Variants in TTC28 observed in about 807,000 individuals in gnomAD.
TTC28 encodes the protein tetratricopeptide repeat domain 28, also known as tetratricopeptide repeat protein 28.
A neutral mutation model predicts 198.0 loss-of-function variants in TTC28; 61 were observed. The ratio of observed to expected loss-of-function variants is 0.31; its 90% CI spans 0.25 to 0.38. TTC28 has a LOEUF of 0.38. Among genes scored for constraint, TTC28 ranks in the 10% least tolerant of loss-of-function variants. TTC28 has a pLI of 1.00. For missense variants in TTC28, 2,678 were observed against 3,164.0 expected (o/e 0.85, Z 3.69); for synonymous variants, 1,171 against 1,297.8 (o/e 0.90, Z 2.10).
chr22:28,532,893 T>C (rs1215125157), intron 2 of TTC28, among the ~76,000 whole-genome samples: 1 of 152,148 alleles, frequency 6.6e-6, no homozygotes, highest in East Asian at 1.9e-4. Flanking sequence ...AACTAGGTAT[T>C]GATGGGACGT....
chr22:28,638,120 G>A (rs944024475), intron 1 of TTC28, among the ~76,000 whole-genome samples: 1 of 152,118 alleles, frequency 6.6e-6, no homozygotes, highest in African/African-American at 2.4e-5. Context: ...ACTTCAATAT[G>A]CAACTTTCAA....
intron 2 of TTC28, among the ~76,000 whole-genome samples, chr22:28,503,214 C>G (rs561069118): frequency 2.6e-5 from 4 of 152,158 alleles, no homozygotes; most frequent in Non-Finnish European, 5.9e-5. Flanking sequence ...CTACTTTCTT[C>G]AGAACTCAGA....
intron 2 of TTC28, among the ~76,000 whole-genome samples, chr22:28,466,770 T>C (rs568710195): frequency 1.7e-3 from 260 of 151,496 alleles, no homozygotes; most frequent in African/African-American, 6.0e-3. Context: ...ATAAGCCCCC[T>C]TATTTTTCTC....
chr22:28,257,648 GAATATA>G (rs1931024027), intron 5 of TTC28, among the ~76,000 whole-genome samples: 1 of 146,520 alleles, frequency 6.8e-6, no homozygotes, highest in Admixed American at 7.0e-5. Context: ...GGGGAAAAAA[GAATATA>G]AATATATTTA....
At chr22:27,991,012 G>A (rs1311565455) in intron 19 of TTC28, among the ~76,000 whole-genome samples, 200 bp from the exon 20 acceptor site, 2 of 152,144 alleles carry the variant, frequency 1.3e-5, no homozygotes, top group Non-Finnish European at 2.9e-5. Context: ...CAGGCCAGCC[G>A]CGTGCGGATC....
chr22:27,989,526 A>AT (rs935219208), intron 21 of TTC28, among the ~76,000 whole-genome samples: 4 of 151,494 alleles, frequency 2.6e-5, no homozygotes, highest in South Asian at 2.1e-4. Flanking sequence ...ATCTAAGTTA[A>AT]TTTTTTTTTG....
At chr22:28,193,234 G>C (rs540324823) in intron 5 of TTC28, among the ~76,000 whole-genome samples, 2 of 152,156 alleles carry the variant, frequency 1.3e-5, no homozygotes, top group Admixed American at 6.5e-5. Context: ...ACAAGCGAAT[G>C]CTGAGAGATT....
chr22:28,626,003 T>C (rs1255522887), intron 2 of TTC28, among the ~76,000 whole-genome samples: 1 of 152,146 alleles, frequency 6.6e-6, no homozygotes, highest in Non-Finnish European at 1.5e-5. Context: ...AAAATTAACT[T>C]TGACTCTTAT....
intron 2 of TTC28, among the ~76,000 whole-genome samples, chr22:28,574,455 T>C (rs1228287689): frequency 1.3e-5 from 2 of 152,206 alleles, no homozygotes. Flanking sequence ...TTCCAAATCT[T>C]GGCTACTGTA....
intron 2 of TTC28, among the ~76,000 whole-genome samples, chr22:28,315,655 AG>A (rs2045340171): frequency 6.6e-6 from 1 of 152,132 alleles, no homozygotes; most frequent in Admixed American, 6.6e-5. Flanking sequence ...TTTCTTTTTT[AG>A]TTCCTTTTCC....
chr22:28,324,367 C>A (rs1235989648), intron 2 of TTC28, among the ~76,000 whole-genome samples: 1 of 151,840 alleles, frequency 6.6e-6, no homozygotes, highest in African/African-American at 2.4e-5. Flanking sequence ...AAAAGAGGGA[C>A]TCCTCCCTAA....
intron 5 of TTC28, among the ~76,000 whole-genome samples, chr22:28,204,136 G>A (rs758465943): frequency 1.3e-5 from 2 of 152,060 alleles, no homozygotes; most frequent in Non-Finnish European, 2.9e-5. Context: ...GCATGTGTCT[G>A]TTGCATAGAC....
chr22:28,036,061 T>C (rs1042786964), intron 12 of TTC28, among the ~76,000 whole-genome samples: 1 of 152,158 alleles, frequency 6.6e-6, no homozygotes, highest in African/African-American at 2.4e-5. Context: ...AACACCCCTC[T>C]GTCGATATTA....
intron 6 of TTC28, among the ~76,000 whole-genome samples, chr22:28,125,309 T>A (rs2146949834): frequency 6.6e-6 from 1 of 152,320 alleles, no homozygotes; most frequent in Admixed American, 6.5e-5. Flanking sequence ...GATTTATTAA[T>A]CTCTGTTGGC....
chr22:28,169,629 A>G (rs932337632), intron 5 of TTC28, among the ~76,000 whole-genome samples: 2 of 152,054 alleles, frequency 1.3e-5, no homozygotes, highest in Non-Finnish European at 2.9e-5. Flanking sequence ...ATCAGAACAC[A>G]TGGACACAGG....
At chr22:28,497,912 A>C (rs915545634) in intron 2 of TTC28, among the ~76,000 whole-genome samples, 2 of 152,214 alleles carry the variant, frequency 1.3e-5, no homozygotes, top group African/African-American at 4.8e-5. Context: ...CATAATTTTC[A>C]ATTAATAAAC....
At chr22:28,134,325 G>C (rs1943144277) in intron 6 of TTC28, among the ~76,000 whole-genome samples, 1 of 152,248 alleles carries the variant, frequency 6.6e-6, no homozygotes. Flanking sequence ...AAGGAATGCA[G>C]CTCCTCGCCA....
chr22:28,212,071 A>T (rs1313642610), intron 5 of TTC28, among the ~76,000 whole-genome samples: 1 of 152,190 alleles, frequency 6.6e-6, no homozygotes, highest in African/African-American at 2.4e-5. Context: ...ATGTTCTTTG[A>T]AACCAATGAG....
chr22:28,248,313 A>G (rs944673669), intron 5 of TTC28, among the ~76,000 whole-genome samples: 1 of 152,180 alleles, frequency 6.6e-6, no homozygotes, highest in African/African-American at 2.4e-5. Flanking sequence ...CAGCCTGGAA[A>G]CTAGGGGCCA....
Sources: gnomAD v4.1 joint callset for allele counts (sites outside exome capture counted in the v4.1 genomes callset) on GRCh38, gnomAD v4.1.1 for gene constraint, MANE v1.5 for transcripts, NCBI Gene and HGNC (gene_info 2026-07-23, HGNC 2026-07-21) for gene names.